Variants in MMUT observed in about 807,000 individuals in gnomAD.
MMUT encodes methylmalonyl-CoA mutase.
A neutral mutation model predicts 79.9 loss-of-function variants in MMUT; 79 were observed. The observed-to-expected ratio is 0.99, with a 90% confidence interval of 0.82 to 1.19. The LOEUF is 1.19. MMUT is among the 50% of genes most tolerant of loss of function. The probability of loss-of-function intolerance (pLI) is 0.00; values close to 1 mark genes in which losing one functional copy is unlikely to be tolerated. For missense variants in MMUT, 860 were observed against 917.2 expected (o/e 0.94, Z 0.81); for synonymous variants, 273 against 295.7 (o/e 0.92, Z 0.79).
chr6:49,458,185 A>C lies in MMUT; in HGVS notation c.386-127T>G, dbSNP rs142924519. ...GTACACTTTTATAACAACTATTTTT[A>C]TGCTCATACATGTCAAAACCAACTT... On this transcript the variant is annotated intron_variant, in intron 2 of 12. Transcript: ENST00000274813. 155 of 923,964 alleles carry C rather than the reference A, an allele frequency of 1.7e-4. No individual in the cohort carries two copies. The African/African-American group carries it at 2.3e-3, about 14-fold the overall frequency. The allele number at this position is 923,964 out of a possible 1,614,324, so 57.2% of individuals were successfully genotyped here.
chr6:49,436,327 T>C (rs1767124928), intron 11 of MMUT, among the ~76,000 whole-genome samples: 2 of 152,046 alleles, frequency 1.3e-5, no homozygotes, highest in South Asian at 4.1e-4. Flanking sequence ...TGCTTGCAGC[T>C]GGGCGTGGTG....
At chr6:49,437,558 C>G (rs912996600) in intron 11 of MMUT, among the ~76,000 whole-genome samples, 4 of 151,990 alleles carry the variant, frequency 2.6e-5, no homozygotes, top group Non-Finnish European at 4.4e-5. Flanking sequence ...AATGAGACAC[C>G]ATTTCACACC....
chr6:49,434,501 G>A (rs1385409073), intron 12 of MMUT, among the ~76,000 whole-genome samples: 4 of 152,136 alleles, frequency 2.6e-5, no homozygotes, highest in South Asian at 2.1e-4. Context: ...TCCTGCTATA[G>A]TGATGGGGCC....
intron 12 of MMUT, among the ~76,000 whole-genome samples, chr6:49,434,865 C>A (rs756501050): frequency 2.0e-5 from 3 of 152,112 alleles, no homozygotes; most frequent in African/African-American, 7.2e-5. Context: ...ATATTTTTGG[C>A]TCCCGAAATA....
intron 5 of MMUT, among the ~76,000 whole-genome samples, chr6:49,453,113 C>T (rs1255784492): frequency 2.1e-5 from 3 of 144,072 alleles, no homozygotes; most frequent in African/African-American, 5.1e-5. Context: ...GTCATCTTGG[C>T]TCACTGCAAC....
At chr6:49,448,124 C>A (rs1350012132) in intron 7 of MMUT, among the ~76,000 whole-genome samples, 1 of 151,906 alleles carries the variant, frequency 6.6e-6, no homozygotes, top group Non-Finnish European at 1.5e-5. Flanking sequence ...TACCCAGTAG[C>A]TTTTCTAATA....
intron 11 of MMUT, among the ~76,000 whole-genome samples, chr6:49,439,539 A>C (rs1232640581): frequency 1.3e-5 from 2 of 152,098 alleles, no homozygotes; most frequent in African/African-American, 4.8e-5. Flanking sequence ...CCCCACTCAA[A>C]ACTGGCAGTC....
chr6:49,442,266 C>T (rs1265181848), intron 9 of MMUT, among the ~76,000 whole-genome samples: 1 of 152,038 alleles, frequency 6.6e-6, no homozygotes, highest in Non-Finnish European at 1.5e-5. Flanking sequence ...CTGAATAATT[C>T]ACCACTTAAC....
chr6:49,435,319 C>A lies in MMUT; in HGVS notation c.2124+137G>T, dbSNP rs545438554. On this transcript the variant is annotated intron_variant, in intron 12 of 12. Transcript: ENST00000274813. Reference sequence around the variant, plus strand: ...CAAAACAACACTGTCCACTTTTAGACCTTGTAGAATTTATTTAGTGAAATC... The same window carrying A: ...CAAAACAACACTGTCCACTTTTAGAACTTGTAGAATTTATTTAGTGAAATC... The A allele has an allele frequency of 1.3e-4, 120 of 899,930 alleles. No homozygotes were observed. The East Asian group carries it at 2.9e-3, about 22-fold the overall frequency. 55.7% of individuals were successfully genotyped at this position (899,930 alleles called of 1,614,324 possible).
rs778562196 is a variant in MMUT at position 49,440,364 on chromosome 6, T to C, written c.1809-11A>G. 6.2e-7 allele frequency: 1 copy of C among 1,613,136 alleles called. No homozygotes were observed. Among genetic ancestry groups the C allele is most frequent in the South Asian group, 1.1e-5 (1 of 91,052 alleles). On this transcript the variant is annotated splice_polypyrimidine_tract_variant and intron_variant, in intron 10 of 12. Coordinates refer to ENST00000274813, the MANE Select transcript of MMUT (RefSeq NM_000255.4). Reference sequence around the variant, plus strand: ...ATGAATTTATGAACCCTGAAAAACATTTAAAAATATATCAGTAGTTAGATA... The same window carrying C: ...ATGAATTTATGAACCCTGAAAAACACTTAAAAATATATCAGTAGTTAGATA...
chr6:49,433,295 A>G (rs1767034740), intron 12 of MMUT, among the ~76,000 whole-genome samples: 1 of 152,114 alleles, frequency 6.6e-6, no homozygotes, highest in African/African-American at 2.4e-5. Context: ...CTGACATCTG[A>G]GTTATGGATT....
At chr6:49,439,200 G>T (rs1767207826) in intron 11 of MMUT, among the ~76,000 whole-genome samples, 1 of 152,104 alleles carries the variant, frequency 6.6e-6, no homozygotes, top group Non-Finnish European at 1.5e-5. Context: ...GGGTCAGAAA[G>T]CACCCAGTTC....
Position 49,442,070 on chromosome 6 carries a change from GTAAA to G in MMUT, c.1677-103_1677-100del. Reference sequence around the variant, plus strand: ...TATAATTAAACATTTTATTACATAAGTAAATGACTGTAAAAATGTAAAATAAGAA... The same window carrying G: ...TATAATTAAACATTTTATTACATAAGTGACTGTAAAAATGTAAAATAAGAA... On this transcript the variant is annotated intron_variant, in intron 9 of 12. Coordinates refer to ENST00000274813, the MANE Select transcript of MMUT (RefSeq NM_000255.4). 5 of 1,246,998 alleles carry G rather than the reference GTAAA, an allele frequency of 4.0e-6. No homozygotes were observed. The South Asian group carries it at 6.8e-5, about 17-fold the overall frequency. The allele number at this position is 1,246,998 out of a possible 1,614,324, so 77.2% of individuals were successfully genotyped here.
At chr6:49,440,653 A>G (rs1188469307) in intron 10 of MMUT, among the ~76,000 whole-genome samples, 1 of 152,130 alleles carries the variant, frequency 6.6e-6, no homozygotes, top group Non-Finnish European at 1.5e-5. Context: ...ACTCTCGTCC[A>G]TATTTTGTTA....
At chr6:49,437,056 T>TAA (rs1163272128) in intron 11 of MMUT, among the ~76,000 whole-genome samples, 2 of 152,022 alleles carry the variant, frequency 1.3e-5, no homozygotes, top group Non-Finnish European at 2.9e-5. Flanking sequence ...GAACTTAAAA[T>TAA]AAAAGTTAAA....
chr6:49,435,277 G>T (rs534914349), intron 12 of MMUT, among the ~76,000 whole-genome samples, 179 bp downstream of exon 12: 25 of 152,260 alleles, frequency 1.6e-4, no homozygotes, highest in African/African-American at 5.5e-4. Context: ...ATAATAAATT[G>T]CAATATAACT....
chr6:49,458,413 A>G (rs1767750975), intron 2 of MMUT, among the ~76,000 whole-genome samples: 1 of 152,242 alleles, frequency 6.6e-6, no homozygotes, highest in Non-Finnish European at 1.5e-5. Context: ...TGGCAAAAAT[A>G]ACTTAGCATT....
Position 49,451,540 on chromosome 6 carries a change from TG to T in MMUT, c.1257del (p.Val421TrpfsTer10). The T allele has an allele frequency of 6.2e-7, 1 of 1,614,134 alleles. No homozygotes were observed. The highest frequency in any genetic ancestry group is 8.5e-7 in the Non-Finnish European group (1 of 1,180,004). The stretch of plus-strand genomic sequence containing the variant: ...GAACCTCCCCAAGGATCAGCCACTT[TG>T]GGAATCCCAGATTCTTCTTGAATGA... Reference protein sequence around the residue: ...QIIIQEESGIPKVADPWGGSY... With the variant: ...QIIIQEESGIXKVADPWGGSY... On this transcript the variant is annotated frameshift_variant, in exon 6 of 13. Transcript: ENST00000274813. LOFTEE classifies it high-confidence loss of function.
At chr6:49,433,001 A>G (rs950977706) in intron 12 of MMUT, among the ~76,000 whole-genome samples, 3 of 152,192 alleles carry the variant, frequency 2.0e-5, no homozygotes, top group Non-Finnish European at 4.4e-5. Context: ...TAATATTCTT[A>G]TAATACTATA....
Sources: allele counts gnomAD v4.1 joint callset (sites outside exome capture counted in the v4.1 genomes callset), GRCh38; gene constraint gnomAD v4.1.1; transcripts MANE v1.5; gene names NCBI Gene and HGNC (gene_info 2026-07-23, HGNC 2026-07-21).